Variants in ITPRID1 observed in about 807,000 individuals in gnomAD.
The protein encoded by ITPRID1 is protein ITPRID1.
ITPRID1 carries 96 observed loss-of-function variants against 95.4 expected under a neutral mutation model. The observed-to-expected ratio is 1.01, with a 90% CI of 0.85 to 1.19. ITPRID1 has a LOEUF of 1.19. Ranked by LOEUF, ITPRID1 falls within the 50% of genes most tolerant of loss-of-function variation. The probability of loss-of-function intolerance (pLI) is 0.00; values close to 1 mark genes in which losing one functional copy is unlikely to be tolerated. For missense variants in ITPRID1, 1,339 were observed against 1,252.9 expected, an observed-to-expected ratio of 1.07 and a Z score of -1.04; for synonymous variants, 510 against 453.6, an observed-to-expected ratio of 1.12 and a Z score of -1.58.
chr7:31,603,665 A>G (rs1786493305), intron 10 of ITPRID1, among the ~76,000 whole-genome samples: 1 of 152,144 alleles, frequency 6.6e-6, no homozygotes, highest in Admixed American at 6.5e-5. Context: ...ATAAATGTGA[A>G]TCCCCGTAGA....
intron 12 of ITPRID1, among the ~76,000 whole-genome samples, chr7:31,648,696 C>G (rs1790696854): frequency 6.6e-6 from 1 of 152,148 alleles, no homozygotes; most frequent in African/African-American, 2.4e-5. Flanking sequence ...GTCACTGTCC[C>G]CAGAACTTTG....
rs749235459 is a variant in ITPRID1, at chr7:31,554,473, A to G, written c.164-2A>G. 4 of 1,612,310 alleles carry G rather than the reference A, an allele frequency of 2.5e-6. No homozygotes were observed. The Admixed American group carries it at 6.7e-5, about 27-fold the overall frequency. ...AACTGATCTGTTCTTTCTTACTTGT[A>G]GAAGATTCCAAGCAAGAAAGTATTC... On this transcript the variant is annotated splice_acceptor_variant, in intron 3 of 14. Transcript: ENST00000615280. LOFTEE classifies it high-confidence loss of function.
At position 31,554,937 on chromosome 7, in the gene ITPRID1, G is replaced by A. The variant is rs560469827; in HGVS notation, c.256+36G>A. 2.1e-5 allele frequency: 31 copies of A among 1,451,784 alleles called. No homozygotes were observed. In the Middle Eastern group the frequency reaches 1.2e-3, roughly 57 times the overall value. 89.9% of individuals were successfully genotyped at this position (1,451,784 alleles called of 1,614,324 possible). A position where few individuals can be genotyped will look rare whatever the true frequency, so the allele number is the denominator to read the frequency against. On this transcript the variant is annotated intron_variant, in intron 5 of 14. Coordinates refer to ENST00000615280, the MANE Select transcript of ITPRID1 (RefSeq NM_001257967.3). ...AGAAGCAGTTATGCTTTGGGAAGCTGAGTAGGAGATATATTCAAATATCTA... is the reference window on the plus strand; with the variant it reads ...AGAAGCAGTTATGCTTTGGGAAGCTAAGTAGGAGATATATTCAAATATCTA...
At position 31,643,833 on chromosome 7, in the gene ITPRID1, C is replaced by T. The variant is rs757191130; in HGVS notation, c.2463C>T (p.Ser821=). ...CTCACTGCCACGGGGAGAGGCAAAG[C>T]CCTGGCCCTGAACCCTCAGTCTGTA... ...HHPHCHGERQ[S]PGPEPSVCRH... The change falls in exon 12 of 15, where the codon AGC becomes AGT. Residue 821 remains serine, a synonymous_variant. Coordinates refer to ENST00000615280, the MANE Select transcript of ITPRID1 (RefSeq NM_001257967.3). The T allele has an allele frequency of 6.2e-7, 1 of 1,613,912 alleles. No homozygotes were observed. Among genetic ancestry groups the T allele is most frequent in the Admixed American group, 1.7e-5 (1 of 60,016 alleles).
chr7:31,608,127 C>T (rs1197065301), intron 10 of ITPRID1, among the ~76,000 whole-genome samples: 1 of 151,970 alleles, frequency 6.6e-6, no homozygotes, highest in African/African-American at 2.4e-5. Flanking sequence ...TTTGTTCCTC[C>T]ATTGAATTAC....
Position 31,587,976 on chromosome 7 carries a change from G to T in ITPRID1, c.1228+4785G>T, listed in dbSNP as rs908972611. On this transcript the variant is annotated intron_variant, in intron 10 of 14. Coordinates refer to ENST00000615280, the MANE Select transcript of ITPRID1 (RefSeq NM_001257967.3). ...AACTGGATCCCTTCCTTACACCTTA[G>T]ACAAATCTTTAGGAATTAATATTCT... Among the ~76,000 whole-genome samples, 6 of 152,120 alleles carry T rather than the reference G, an allele frequency of 3.9e-5. No homozygotes were observed. In the South Asian group the frequency reaches 1.2e-3, roughly 31 times the overall value.
chr7:31,603,060 C>T (rs959754823), intron 10 of ITPRID1, among the ~76,000 whole-genome samples: 1 of 152,048 alleles, frequency 6.6e-6, no homozygotes, highest in East Asian at 1.9e-4. Context: ...TTCATAAAGT[C>T]GAGAATGTCA....
At chr7:31,536,073 C>T (rs964390207) in intron 1 of ITPRID1, among the ~76,000 whole-genome samples, 4 of 152,024 alleles carry the variant, frequency 2.6e-5, no homozygotes, top group Admixed American at 6.6e-5. Flanking sequence ...ATTCACTATT[C>T]TGTCTCTATT....
chr7:31,635,177 C>G, intron 10 of ITPRID1, among the ~76,000 whole-genome samples: 1 of 152,142 alleles, frequency 6.6e-6, no homozygotes. Flanking sequence ...TAGGTGATTT[C>G]TCATCCTTTG....
chr7:31,527,896 C>T (rs1263584822), intron 1 of ITPRID1, among the ~76,000 whole-genome samples: 1 of 152,202 alleles, frequency 6.6e-6, no homozygotes, highest in South Asian at 2.1e-4. Context: ...GCAGACAGAC[C>T]TGAAAGGGAA....
intron 1 of ITPRID1, among the ~76,000 whole-genome samples, chr7:31,518,875 T>G (rs1212516195): frequency 6.6e-6 from 1 of 152,210 alleles, no homozygotes; most frequent in African/African-American, 2.4e-5. Context: ...GAGCAGACAT[T>G]TCCTGAATCT....
At chr7:31,522,901 T>C (rs985741417) in intron 1 of ITPRID1, among the ~76,000 whole-genome samples, 1 of 152,176 alleles carries the variant, frequency 6.6e-6, no homozygotes, top group East Asian at 1.9e-4. Context: ...CCCAAAAATA[T>C]GAAATAGGGA....
rs1363984946 is a variant in ITPRID1 at position 31,622,451 on chromosome 7, A to T, written c.1229-19725A>T. Among the ~76,000 whole-genome samples, 282 of 151,450 alleles carry T rather than the reference A, an allele frequency of 1.9e-3. 1 individual carries two copies. The highest frequency in any genetic ancestry group is 6.5e-3 in the African/African-American group (270 of 41,360). On this transcript the variant is annotated intron_variant, in intron 10 of 14. Coordinates refer to ENST00000615280, the MANE Select transcript of ITPRID1 (RefSeq NM_001257967.3). Reference sequence around the variant, plus strand: ...TCAAACTAGAACTCAGGATTAAGAAACTCACTCAAAACTGCTCAACTACAT... The same window carrying T: ...TCAAACTAGAACTCAGGATTAAGAATCTCACTCAAAACTGCTCAACTACAT...
At chr7:31,639,198 T>C (rs890592295) in intron 10 of ITPRID1, among the ~76,000 whole-genome samples, 1 of 152,204 alleles carries the variant, frequency 6.6e-6, no homozygotes, top group Non-Finnish European at 1.5e-5. Context: ...TCCCTCCTCT[T>C]TGGGATTTTT....
intron 1 of ITPRID1, chr7:31,529,889 G>A (rs2128129792): frequency 7.2e-6 from 9 of 1,252,120 alleles, no homozygotes; most frequent in Non-Finnish European, 1.0e-5. Flanking sequence ...GGTATTAGCT[G>A]TCTGCTCTCA....
intron 10 of ITPRID1, among the ~76,000 whole-genome samples, chr7:31,600,862 TGTG>T (rs1352188179): frequency 6.6e-6 from 1 of 152,126 alleles, no homozygotes; most frequent in Non-Finnish European, 1.5e-5. Flanking sequence ...TGTTAACAGG[TGTG>T]GATCATCAGG....
chr7:31,612,602 C>T (rs939571728), intron 10 of ITPRID1, among the ~76,000 whole-genome samples: 1 of 152,072 alleles, frequency 6.6e-6, no homozygotes, highest in Admixed American at 6.6e-5. Context: ...ACTTGAATAG[C>T]CTAGTTAATG....
intron 5 of ITPRID1, among the ~76,000 whole-genome samples, chr7:31,563,849 T>C (rs1042919116): frequency 4.6e-5 from 7 of 152,142 alleles, no homozygotes; most frequent in African/African-American, 7.2e-5. Flanking sequence ...CAATGGGCTT[T>C]AAGGTTTTGA....
chr7:31,531,444 C>T (rs10276353), intron 1 of ITPRID1, among the ~76,000 whole-genome samples: 1 of 151,892 alleles, frequency 6.6e-6, no homozygotes, highest in African/African-American at 2.4e-5. Context: ...TCGTTGTTAT[C>T]GTTTCTTTCT....
Sources: allele counts gnomAD v4.1 joint callset (sites outside exome capture counted in the v4.1 genomes callset), GRCh38; gene constraint gnomAD v4.1.1; transcripts MANE v1.5; gene names NCBI Gene and HGNC (gene_info 2026-07-23, HGNC 2026-07-21).